USP49: variants seen among roughly 807,000 people sequenced by gnomAD.
USP49 encodes the protein ubiquitin carboxyl-terminal hydrolase 49.
In USP49, 24 loss-of-function variants were observed where a neutral mutation model predicts 58.6. The ratio of observed to expected loss-of-function variants is 0.41; its 90% confidence interval spans 0.30 to 0.58. USP49 has a LOEUF of 0.58. USP49 is among the 20% of genes least tolerant of loss of function. The pLI is 0.30. For synonymous variants in USP49, 408 were observed against 365.1 expected (o/e 1.12, Z -1.34); for missense variants, 703 against 866.1 (o/e 0.81, Z 2.36).
intron 7 of USP49, among the ~76,000 whole-genome samples, chr6:41,797,121 C>T (rs1446885534): frequency 6.6e-6 from 1 of 151,980 alleles, no homozygotes; most frequent in Admixed American, 6.6e-5. Context: ...CCACCACGCC[C>T]GGCTAATTCT....
chr6:41,815,256 T>TA (rs1773327849), intron 3 of USP49, among the ~76,000 whole-genome samples: 1 of 151,816 alleles, frequency 6.6e-6, no homozygotes, highest in South Asian at 2.1e-4. Context: ...CCATTTCTAC[T>TA]AAAAAATACA....
At position 41,803,661 on chromosome 6, in the gene USP49, A is replaced by C; in HGVS notation, c.1561+145T>G. 1 of 955,992 alleles carries C rather than the reference A, an allele frequency of 1.0e-6. No individual in the cohort carries two copies. The highest frequency in any genetic ancestry group is 1.6e-6 in the Non-Finnish European group (1 of 644,450). 59.2% of individuals were successfully genotyped at this position (955,992 alleles called of 1,614,324 possible). ...GTCCATGTTTTTTGTTTTTAGAAAA[A>C]TGGGAGAAAAAGATCTTTAAAAGAT... On this transcript the variant is annotated intron_variant, in intron 5 of 7. Transcript: ENST00000682992. This position sits in a 1 kb window ranked among gnomAD's most constrained non-coding sequence, Gnocchi z 4.1.
rs1773138709 is a variant in USP49 at position 41,806,606 on chromosome 6, C to A, written c.378G>T (p.Val126=). ...TLRSMASGED[V]VLPQRAPQGQ... ...CCTGAGGAGCGCGCTGCGGCAGGAC[C>A]ACGTCCTCACCCGAAGCCATGGACC... The change falls in exon 4 of 8, where the codon GTG becomes GTT. Residue 126 remains valine, a synonymous_variant. Transcript: ENST00000682992. This position sits in a 1 kb window ranked among gnomAD's most constrained non-coding sequence, Gnocchi z 5.9. The A allele has an allele frequency of 6.2e-7, 1 of 1,609,246 alleles. No individual in the cohort carries two copies. The highest frequency in any genetic ancestry group is 1.3e-5 in the African/African-American group (1 of 75,042).
chr6:41,873,627 T>C (rs1344634378), intron 2 of USP49, among the ~76,000 whole-genome samples: 1 of 152,220 alleles, frequency 6.6e-6, no homozygotes, highest in Admixed American at 6.5e-5. Context: ...AATTTAAAGT[T>C]AACTTAATTA....
Position 41,806,445 on chromosome 6 carries a change from C to CGCT in USP49, c.536_538dup (p.Glu179_Arg180insGln), listed in dbSNP as rs763848097. 3.0e-5 allele frequency: 47 copies of CGCT among 1,585,580 alleles called. No homozygotes were observed. The highest frequency in any genetic ancestry group is 3.7e-5 in the Non-Finnish European group (44 of 1,174,622). ...CCGCCTCCGCGCCTCCTCCTTCTTG[C>CGCT]GCTCCAGGGCCTCCTCCTGCCGCCG... On this transcript the variant is annotated inframe_insertion, in exon 4 of 8. Transcript: ENST00000682992. This position sits in a 1 kb window ranked among gnomAD's most constrained non-coding sequence, Gnocchi z 5.9.
intron 3 of USP49, among the ~76,000 whole-genome samples, chr6:41,812,127 T>TGG (rs1438621749): frequency 1.3e-5 from 2 of 151,902 alleles, no homozygotes; most frequent in Non-Finnish European, 2.9e-5. Context: ...TTGCCCAGGC[T>TGG]AGAGTTCAGT....
rs1345375053 is a variant in USP49 at position 41,793,131 on chromosome 6, A to G, written c.*3402T>C. The stretch of plus-strand genomic sequence containing the variant: ...AAACTCATACAATCATTGACTCTAG[A>G]AGCCTTGCCATTAAAAACAAAAATA... On this transcript the variant is annotated 3_prime_UTR_variant, in exon 8 of 8. Coordinates refer to ENST00000682992, the MANE Select transcript of USP49 (RefSeq NM_001286554.2). 4.6e-5 allele frequency: 7 copies of G among 152,236 alleles called. No homozygotes were observed. Among genetic ancestry groups the G allele is most frequent in the Non-Finnish European group, 8.8e-5 (6 of 68,072 alleles). 9.4% of individuals were successfully genotyped at this position (152,236 alleles called of 1,614,324 possible).
chr6:41,892,864 C>A (rs1220348712), intron 1 of USP49, among the ~76,000 whole-genome samples: 1 of 152,098 alleles, frequency 6.6e-6, no homozygotes. Flanking sequence ...TATCCTTTGG[C>A]ACCATCAAAT....
chr6:41,844,608 C>T (rs763656092), intron 3 of USP49, among the ~76,000 whole-genome samples: 92 of 152,158 alleles, frequency 6.0e-4, no homozygotes, highest in Non-Finnish European at 1.1e-3. Flanking sequence ...CCACCGCACC[C>T]GGCCAATGAT....
intron 5 of USP49, among the ~76,000 whole-genome samples, chr6:41,802,479 A>ATTTTATTTTT (rs1773036737): frequency 1.3e-5 from 1 of 79,816 alleles, no homozygotes; most frequent in African/African-American, 5.1e-5. Context: ...TTTTTTATTT[A>ATTTTATTTTT]TTTTTTTTTT....
rs561991661 is a variant in USP49 at position 41,823,129 on chromosome 6, C to G, written c.-28-16118G>C. 2.6e-5 allele frequency among the ~76,000 whole-genome samples: 4 copies of G among 152,212 alleles called. No individual in the cohort carries two copies. In the East Asian group the frequency reaches 7.7e-4, roughly 29 times the overall value. On this transcript the variant is annotated intron_variant, in intron 3 of 7. Coordinates refer to ENST00000682992, the MANE Select transcript of USP49 (RefSeq NM_001286554.2). ...AGGCAGAACAATGTGTATAATATAT[C>G]ATGAATATACATACAAGCATACATA...
chr6:41,865,916 C>CTTTT (rs34663718), intron 3 of USP49, among the ~76,000 whole-genome samples: 45 of 65,384 alleles, frequency 6.9e-4, no homozygotes, highest in African/African-American at 9.9e-4. Context: ...AGCATGGTGC[C>CTTTT]TTTTTTTTTT....
rs1338445946 is a variant in USP49 at position 41,806,709 on chromosome 6, A to T, written c.275T>A (p.Leu92Gln). 7 of 1,614,114 alleles carry T rather than the reference A, an allele frequency of 4.3e-6. No homozygotes were observed. The highest frequency in any genetic ancestry group is 5.9e-6 in the Non-Finnish European group (7 of 1,180,034). ...YVLNDNPEGD[L>Q]KLLRSSLLAV... ...CAGGAGGGAGCTTCTTAGCAGCTTCAGGTCCCCCTCTGGGTTATCATTGAG... is the reference window on the plus strand; with the variant it reads ...CAGGAGGGAGCTTCTTAGCAGCTTCTGGTCCCCCTCTGGGTTATCATTGAG... Residue 92 changes from leucine (L) to glutamine (Q), a missense_variant, in exon 4 of 8, where the codon CTG becomes CAG. Leu to Gln is a moderately radical substitution (Grantham distance 113). Coordinates refer to ENST00000682992, the MANE Select transcript of USP49 (RefSeq NM_001286554.2). This position sits in a 1 kb window ranked among gnomAD's most constrained non-coding sequence, Gnocchi z 5.9.
rs1772865698 is a variant in USP49 at position 41,795,144 on chromosome 6, G to A, written c.*1389C>T. Reference sequence around the variant, plus strand: ...TATGATATACTCAGTCAAAAGATGAGCATTCATAGTGACAGGTTGAGTGAG... The same window carrying A: ...TATGATATACTCAGTCAAAAGATGAACATTCATAGTGACAGGTTGAGTGAG... On this transcript the variant is annotated 3_prime_UTR_variant, in exon 8 of 8. Coordinates refer to ENST00000682992, the MANE Select transcript of USP49 (RefSeq NM_001286554.2). 1 of 152,180 alleles carries A rather than the reference G, an allele frequency of 6.6e-6. No individual in the cohort carries two copies. The highest frequency in any genetic ancestry group is 1.5e-5 in the Non-Finnish European group (1 of 68,048). 9.4% of individuals were successfully genotyped at this position (152,180 alleles called of 1,614,324 possible).
In USP49 at chr6:41,806,654, C is replaced by T. The variant is rs780997341; in HGVS notation, c.330G>A (p.Pro110=). 1.2e-6 allele frequency: 2 copies of T among 1,613,784 alleles called. No homozygotes were observed. The highest frequency in any genetic ancestry group is 1.3e-5 in the African/African-American group (1 of 74,950). Residue 110 remains proline, a synonymous_variant, in exon 4 of 8, where the codon CCG becomes CCA. Coordinates refer to ENST00000682992, the MANE Select transcript of USP49 (RefSeq NM_001286554.2). This position sits in a 1 kb window ranked among gnomAD's most constrained non-coding sequence, Gnocchi z 5.9. ...LAVRGQKQDT[P]VRRGRTLRSM... is the part of the protein sequence containing the mutation. ...ACCGCAGCGTCCGCCCACGTCTCAC[C>T]GGCGTGTCCTGTTTCTGGCCCCGGA...
chr6:41,796,554 G>A lies in USP49; in HGVS notation c.2046C>T (p.Gly682=), dbSNP rs1323499913. The A allele has an allele frequency of 2.8e-6, 2 of 717,328 alleles. No individual in the cohort carries two copies. The highest frequency in any genetic ancestry group is 1.5e-5 in the South Asian group (1 of 67,612). 44.4% of individuals were successfully genotyped at this position (717,328 alleles called of 1,614,324 possible). A position where few individuals can be genotyped will look rare whatever the true frequency, so the allele number is the denominator to read the frequency against. ...AQVQSSNNDE[G]RPQTFS Reference sequence around the variant, plus strand: ...CCATTCAGGAAAATGTCTGTGGTCTGCCTTCATCATTGTTGCTGGACTGCA... The same window carrying A: ...CCATTCAGGAAAATGTCTGTGGTCTACCTTCATCATTGTTGCTGGACTGCA... Residue 682 remains glycine, a synonymous_variant, in exon 8 of 8, where the codon GGC becomes GGT. Transcript: ENST00000682992.
At chr6:41,844,169 C>T (rs939769917) in intron 3 of USP49, among the ~76,000 whole-genome samples, 5 of 151,918 alleles carry the variant, frequency 3.3e-5, no homozygotes, top group Non-Finnish European at 5.9e-5. Context: ...TATGGGGAGC[C>T]GAGATTGTGC....
At chr6:41,836,878 A>C (rs532626136) in intron 3 of USP49, among the ~76,000 whole-genome samples, 141 of 151,208 alleles carry the variant, frequency 9.3e-4, no homozygotes, top group African/African-American at 3.3e-3. Context: ...CACACACACA[A>C]ACAAAATACC....
chr6:41,883,222 C>G (rs1361014720), intron 2 of USP49, among the ~76,000 whole-genome samples: 1 of 150,928 alleles, frequency 6.6e-6, no homozygotes, highest in Admixed American at 6.6e-5. Context: ...GGTGTGGTGG[C>G]ACACACCTGT....
Sources: allele counts gnomAD v4.1 joint callset (sites outside exome capture counted in the v4.1 genomes callset), GRCh38; gene constraint gnomAD v4.1.1; non-coding constraint Gnocchi (gnomAD v3.1); transcripts MANE v1.5; gene names NCBI Gene and HGNC (gene_info 2026-07-23, HGNC 2026-07-21).